Variants in ATP2B2 observed in about 807,000 individuals in gnomAD.
The protein encoded by ATP2B2 is ATPase plasma membrane Ca2+ transporting 2, also known as plasma membrane calcium-transporting ATPase 2.
Under a neutral mutation model 120.0 loss-of-function variants are expected in ATP2B2, and 15 were observed. The ratio of observed to expected loss-of-function variants is 0.12; its 90% CI spans 0.08 to 0.19. ATP2B2 has a LOEUF of 0.19. Among genes scored for constraint, ATP2B2 ranks in the 10% least tolerant of loss-of-function variants. The pLI is 1.00. For missense variants in ATP2B2, 1,045 were observed against 1,719.8 expected, an observed-to-expected ratio of 0.61 and a Z score of 6.94; for synonymous variants, 694 against 700.3, an observed-to-expected ratio of 0.99 and a Z score of 0.14.
intron 1 of ATP2B2, among the ~76,000 whole-genome samples, chr3:10,706,107 A>G (rs1484001422): frequency 6.6e-6 from 1 of 152,192 alleles, no homozygotes; most frequent in Non-Finnish European, 1.5e-5. Context: ...GATTTCCGCT[A>G]GCTGTGGTTG....
At chr3:10,590,703 G>A (rs2068623766) in intron 2 of ATP2B2, among the ~76,000 whole-genome samples, 1 of 152,244 alleles carries the variant, frequency 6.6e-6, no homozygotes, top group African/African-American at 2.4e-5. Flanking sequence ...CCTGCCCCAA[G>A]GCACTCTCCC....
chr3:10,671,520 A>G (rs1201220723), intron 1 of ATP2B2, among the ~76,000 whole-genome samples: 1 of 152,150 alleles, frequency 6.6e-6, no homozygotes, highest in Non-Finnish European at 1.5e-5. Context: ...ACAAACCAGG[A>G]TGGTTGGTCA....
chr3:10,442,695 A>G (rs1373585381), intron 2 of ATP2B2, among the ~76,000 whole-genome samples: 1 of 152,168 alleles, frequency 6.6e-6, no homozygotes, highest in Non-Finnish European at 1.5e-5. Flanking sequence ...ACTCACATGC[A>G]TTGCTCAAGC....
intron 1 of ATP2B2, among the ~76,000 whole-genome samples, chr3:10,476,288 T>C (rs747440863): frequency 4.8e-4 from 73 of 152,192 alleles, no homozygotes; most frequent in Non-Finnish European, 8.1e-4. Context: ...TGTAAGAGGT[T>C]GTGTTTTTCT....
At chr3:10,370,317 T>C (rs2061188719) in intron 12 of ATP2B2, among the ~76,000 whole-genome samples, 1 of 152,224 alleles carries the variant, frequency 6.6e-6, no homozygotes, top group African/African-American at 2.4e-5. Context: ...AATCGCCCTG[T>C]TCCCCTCTCT....
chr3:10,379,775 GAGAA>G (rs2061481071), intron 8 of ATP2B2, among the ~76,000 whole-genome samples: 1 of 147,662 alleles, frequency 6.8e-6, no homozygotes, highest in Admixed American at 7.1e-5. Flanking sequence ...GGGAGAGAGA[GAGAA>G]AGAGAGACAG....
intron 2 of ATP2B2, among the ~76,000 whole-genome samples, chr3:10,565,869 G>A (rs1350016163): frequency 3.3e-5 from 5 of 152,206 alleles, no homozygotes; most frequent in Non-Finnish European, 7.4e-5. Context: ...TTGGGCAAGC[G>A]AATAAAACTC....
At chr3:10,468,945 A>T (rs1257752760) in intron 1 of ATP2B2, among the ~76,000 whole-genome samples, 1 of 152,278 alleles carries the variant, frequency 6.6e-6, no homozygotes, top group African/African-American at 2.4e-5. Context: ...AGCCGTTAAG[A>T]GAGCCTGAGG....
Position 10,345,379 on chromosome 3 carries a change from C to A in ATP2B2, c.2703+5G>T. 1 of 1,614,140 alleles carries A rather than the reference C, an allele frequency of 6.2e-7. No individual in the cohort carries two copies. Among genetic ancestry groups the A allele is most frequent in the Non-Finnish European group, 8.5e-7 (1 of 1,179,998 alleles). ...AGGCTTTGGTGTGGTCTCCTGCGGA[C>A]CCACCTGCGTGATGCAGGCGCCTGT... On this transcript the variant is annotated splice_donor_5th_base_variant and intron_variant, in intron 18 of 22. Transcript: ENST00000360273.
chr3:10,507,372 T>C (rs2066663206), upstream of ATP2B2, among the ~76,000 whole-genome samples: 1 of 152,104 alleles, frequency 6.6e-6, no homozygotes, highest in African/African-American at 2.4e-5. Context: ...GCCACCCCTC[T>C]AGGTGGTCTT....
At chr3:10,686,109 G>A (rs1222783853) in intron 1 of ATP2B2, among the ~76,000 whole-genome samples, 1 of 119,370 alleles carries the variant, frequency 8.4e-6, no homozygotes, top group African/African-American at 3.4e-5. Context: ...CTAATGCCTT[G>A]TGGTTGCCCT....
At chr3:10,338,453 G>A (rs574035672) in intron 21 of ATP2B2, 95 bp from the exon 22 acceptor site, 80 of 1,295,042 alleles carry the variant, frequency 6.2e-5, no homozygotes, top group South Asian at 4.2e-4. Context: ...CCTCCTACCC[G>A]CTCACCCAGG....
At chr3:10,483,289 G>A (rs566405258) in intron 1 of ATP2B2, among the ~76,000 whole-genome samples, 10 of 152,350 alleles carry the variant, frequency 6.6e-5, no homozygotes, top group Admixed American at 4.6e-4. Context: ...AATGACTGGC[G>A]TAGGTCCCAG....
chr3:10,490,066 C>T (rs1428619431), intron 1 of ATP2B2, among the ~76,000 whole-genome samples: 1 of 152,238 alleles, frequency 6.6e-6, no homozygotes, highest in African/African-American at 2.4e-5. Context: ...CTTCCACTTG[C>T]CCTCGTGGGG....
intron 3 of ATP2B2, among the ~76,000 whole-genome samples, chr3:10,407,605 C>T (rs984276980): frequency 8.5e-5 from 13 of 152,206 alleles, no homozygotes; most frequent in African/African-American, 3.1e-4. Context: ...CAGTGGACCT[C>T]TGAGGACTCA....
intron 2 of ATP2B2, among the ~76,000 whole-genome samples, chr3:10,580,640 C>T (rs1403604029): frequency 1.3e-5 from 2 of 152,172 alleles, no homozygotes. Context: ...CTGCCTCCCC[C>T]TCCCTGTCTC....
intron 1 of ATP2B2, among the ~76,000 whole-genome samples, chr3:10,672,675 T>A (rs1356781174): frequency 1.3e-5 from 2 of 152,234 alleles, no homozygotes; most frequent in African/African-American, 2.4e-5. Context: ...AACCAGGGTG[T>A]GCTGAACAAG....
intron 5 of ATP2B2, 123 bp from the exon 6 acceptor site, chr3:10,388,525 C>T: frequency 1.6e-5 from 22 of 1,418,802 alleles, no homozygotes; most frequent in Non-Finnish European, 2.1e-5. Context: ...GGGGCATCAC[C>T]TATGGTTAAG....
chr3:10,451,817 A>G (rs960563934), intron 1 of ATP2B2, among the ~76,000 whole-genome samples: 1 of 152,158 alleles, frequency 6.6e-6, no homozygotes, highest in African/African-American at 2.4e-5. Flanking sequence ...GACCCCAACA[A>G]TGTATTCCTC....
Sources: allele counts gnomAD v4.1 joint callset (sites outside exome capture counted in the v4.1 genomes callset), GRCh38; gene constraint gnomAD v4.1.1; transcripts MANE v1.5; gene names NCBI Gene and HGNC (gene_info 2026-07-23, HGNC 2026-07-21).